PPP4R4: variants seen among roughly 807,000 people sequenced by gnomAD.
The protein encoded by PPP4R4 is protein phosphatase 4 regulatory subunit 4.
A neutral mutation model predicts 121.8 loss-of-function variants in PPP4R4; 70 were observed. The ratio of observed to expected loss-of-function variants is 0.57; its 90% confidence interval spans 0.47 to 0.70. PPP4R4 has a LOEUF of 0.70. PPP4R4 is among the 30% of genes least tolerant of loss of function. The probability of loss-of-function intolerance (pLI) is 0.00; values close to 1 mark genes in which losing one functional copy is unlikely to be tolerated. For missense variants in PPP4R4, 875 were observed against 1,033.6 expected (o/e 0.85, Z 2.10); for synonymous variants, 348 against 355.7 (o/e 0.98, Z 0.24).
chr14:94,206,556 G>T (rs1034020368), intron 2 of PPP4R4, among the ~76,000 whole-genome samples: 1 of 151,606 alleles, frequency 6.6e-6, no homozygotes, highest in African/African-American at 2.4e-5. Flanking sequence ...CCTGTGAAAA[G>T]TTTTGTTTTC....
At chr14:94,223,823 C>G (rs932023383) in intron 3 of PPP4R4, among the ~76,000 whole-genome samples, 8 of 152,008 alleles carry the variant, frequency 5.3e-5, no homozygotes, top group African/African-American at 1.7e-4. Flanking sequence ...GAGATTAACC[C>G]CAACATTTCT....
chr14:94,176,029 T>A, intron 1 of PPP4R4, 25 bp from the exon 2 acceptor site: 1 of 1,583,682 alleles, frequency 6.3e-7, no homozygotes, highest in Non-Finnish European at 8.7e-7. Flanking sequence ...TTGTGGTGCA[T>A]AAATGTGTAT....
At chr14:94,232,504 T>G (rs529590437) in intron 5 of PPP4R4, among the ~76,000 whole-genome samples, 4 of 152,366 alleles carry the variant, frequency 2.6e-5, no homozygotes, top group African/African-American at 2.4e-5. Context: ...TATATTTTTT[T>G]GAAAAGCAAT....
intron 2 of PPP4R4, among the ~76,000 whole-genome samples, chr14:94,198,903 T>TCTGTTGTAGCTCTA (rs1332902157): frequency 2.2e-4 from 34 of 152,386 alleles, no homozygotes; most frequent in Non-Finnish European, 3.8e-4. Flanking sequence ...CACGACATTG[T>TCTGTTGTAGCTCTA]CTGTTGTAGC....
intron 18 of PPP4R4, 42 bp downstream of exon 18, chr14:94,258,866 A>C (rs1270733638): frequency 6.6e-7 from 1 of 1,517,540 alleles, no homozygotes; most frequent in Admixed American, 1.7e-5. Flanking sequence ...GTCCATTTTC[A>C]TGCTGCTGAA....
At chr14:94,175,951 A>G (rs1888657500) in intron 1 of PPP4R4, 103 bp from the exon 2 acceptor site, 1 of 901,118 alleles carries the variant, frequency 1.1e-6, no homozygotes, top group Non-Finnish European at 1.8e-6. Flanking sequence ...CTTAATTGTG[A>G]AACTTTTTCA....
At chr14:94,206,858 A>G (rs1324911567) in intron 2 of PPP4R4, among the ~76,000 whole-genome samples, 2 of 151,984 alleles carry the variant, frequency 1.3e-5, no homozygotes, top group Non-Finnish European at 2.9e-5. Context: ...AATAATAGAA[A>G]TTTATTCTGT....
At chr14:94,202,508 T>G (rs1890245512) in intron 2 of PPP4R4, among the ~76,000 whole-genome samples, 1 of 152,228 alleles carries the variant, frequency 6.6e-6, no homozygotes, top group Non-Finnish European at 1.5e-5. Flanking sequence ...CCATTAAGTA[T>G]GATGCTAGCT....
intron 2 of PPP4R4, among the ~76,000 whole-genome samples, chr14:94,193,365 T>C (rs1889703950): frequency 6.6e-6 from 1 of 152,148 alleles, no homozygotes; most frequent in Non-Finnish European, 1.5e-5. Context: ...TGCATAACTT[T>C]AGGCAAGTAC....
Position 94,237,627 on chromosome 14 carries a change from G to C in PPP4R4, c.794G>C (p.Ser265Thr). 1 of 1,612,112 alleles carries C rather than the reference G, an allele frequency of 6.2e-7. No individual in the cohort carries two copies. The highest frequency in any genetic ancestry group is 8.5e-7 in the Non-Finnish European group (1 of 1,178,132). The change falls in exon 8 of 25, where the codon AGC (serine) becomes ACC (threonine). Residue 265 changes from serine (S) to threonine (T), a missense_variant. Ser to Thr is a moderately conservative substitution (Grantham distance 58). Coordinates refer to ENST00000304338, the MANE Select transcript of PPP4R4 (RefSeq NM_058237.2). ...ELIELSRDEG[S>T]SVRLAAFETL... ...ATAGAACTTTCTAGGGATGAAGGCAGCAGTGTACGACTTGCAGCTTTTGAA... is the reference window on the plus strand; with the variant it reads ...ATAGAACTTTCTAGGGATGAAGGCACCAGTGTACGACTTGCAGCTTTTGAA...
intron 3 of PPP4R4, 132 bp downstream of exon 3, chr14:94,208,698 A>G: frequency 1.9e-6 from 1 of 514,660 alleles, no homozygotes; most frequent in Non-Finnish European, 3.3e-6. Context: ...GTGTTATTAT[A>G]TACATTTTGA....
At chr14:94,234,758 T>C (rs997883978) in intron 7 of PPP4R4, 89 bp downstream of exon 7, 2 of 885,082 alleles carry the variant, frequency 2.3e-6, no homozygotes, top group African/African-American at 3.4e-5. Flanking sequence ...TCATAACAAG[T>C]ACCTCCTCTA....
At chr14:94,206,953 G>A (rs887414060) in intron 2 of PPP4R4, among the ~76,000 whole-genome samples, 2 of 151,960 alleles carry the variant, frequency 1.3e-5, no homozygotes, top group African/African-American at 2.4e-5. Flanking sequence ...CCAACTTTTG[G>A]TGGTTGTCAC....
chr14:94,220,752 C>T (rs1891342232), intron 3 of PPP4R4, among the ~76,000 whole-genome samples: 1 of 152,110 alleles, frequency 6.6e-6, no homozygotes, highest in Admixed American at 6.5e-5. Flanking sequence ...ACTAAGTGAA[C>T]TGAAATATAG....
Position 94,258,817 on chromosome 14 carries a change from T to A in PPP4R4, c.2045T>A (p.Met682Lys). Residue 682 changes from methionine (M) to lysine (K), a missense_variant, in exon 18 of 25, where the codon ATG becomes AAG. Coordinates refer to ENST00000304338, the MANE Select transcript of PPP4R4 (RefSeq NM_058237.2). ...VLELDRMEMS[M>K]DAFQKKFYEK... ...GAGTTGGACAGAATGGAAATGTCTATGGATGCTGTAAGTATACTCTCTTTA... is the reference window on the plus strand; with the variant it reads ...GAGTTGGACAGAATGGAAATGTCTAAGGATGCTGTAAGTATACTCTCTTTA... 1 of 1,586,686 alleles carries A rather than the reference T, an allele frequency of 6.3e-7. No homozygotes were observed. Among genetic ancestry groups the A allele is most frequent in the South Asian group, 1.1e-5 (1 of 90,398 alleles).
At chr14:94,248,284 G>A (rs146418810) in intron 14 of PPP4R4, among the ~76,000 whole-genome samples, 24 of 152,208 alleles carry the variant, frequency 1.6e-4, no homozygotes, top group African/African-American at 5.5e-4. Context: ...CAAGCTGAGA[G>A]CCAAATCAAG....
At chr14:94,229,148 C>T (rs923163982) in intron 3 of PPP4R4, among the ~76,000 whole-genome samples, 4 of 152,074 alleles carry the variant, frequency 2.6e-5, no homozygotes, top group African/African-American at 9.7e-5. Flanking sequence ...ATTCCTCAGG[C>T]TACAGTATAG....
intron 2 of PPP4R4, among the ~76,000 whole-genome samples, chr14:94,208,019 G>A (rs1048238275): frequency 6.6e-6 from 1 of 151,884 alleles, no homozygotes; most frequent in Non-Finnish European, 1.5e-5. Context: ...AGAGAAAGTT[G>A]TATGATTTTG....
At chr14:94,233,483 A>G (rs1892163821) in intron 5 of PPP4R4, among the ~76,000 whole-genome samples, 170 bp from the exon 6 acceptor site, 2 of 152,218 alleles carry the variant, frequency 1.3e-5, no homozygotes, top group African/African-American at 2.4e-5. Context: ...TTACCTTAAT[A>G]ACTCAGAAGA....
Sources: allele counts gnomAD v4.1 joint callset (sites outside exome capture counted in the v4.1 genomes callset), GRCh38; gene constraint gnomAD v4.1.1; transcripts MANE v1.5; gene names NCBI Gene and HGNC (gene_info 2026-07-23, HGNC 2026-07-21).